BICC1: variants seen among roughly 807,000 people sequenced by gnomAD.
BICC1 encodes protein bicaudal C homolog 1.
BICC1 carries 43 observed loss-of-function variants against 111.0 expected under a neutral mutation model. The ratio of observed to expected loss-of-function variants is 0.39; its 90% CI spans 0.30 to 0.50. The LOEUF is 0.50. Ranked by LOEUF, BICC1 falls within the 20% of genes least tolerant of loss-of-function variation. The pLI, the probability that BICC1 is intolerant of heterozygous loss-of-function variation, is 0.88. For missense variants in BICC1, 1,091 were observed against 1,203.2 expected (o/e 0.91, Z 1.38); for synonymous variants, 467 against 434.4 (o/e 1.07, Z -0.93).
intron 2 of BICC1, among the ~76,000 whole-genome samples, chr10:58,623,776 G>A (rs749910711): frequency 1.3e-5 from 2 of 152,082 alleles, no homozygotes; most frequent in Admixed American, 6.6e-5. Flanking sequence ...AGAGAGGCAC[G>A]CCATGGTTGT....
intron 3 of BICC1, among the ~76,000 whole-genome samples, chr10:58,712,064 A>G (rs927020685): frequency 9.2e-5 from 14 of 152,344 alleles, no homozygotes; most frequent in African/African-American, 3.1e-4. Flanking sequence ...ACACCTCACC[A>G]AAGAAGATAT....
chr10:58,617,653 GTGATCACC>G (rs1203750514), intron 1 of BICC1, among the ~76,000 whole-genome samples: 1 of 152,246 alleles, frequency 6.6e-6, no homozygotes, highest in Non-Finnish European at 1.5e-5. Flanking sequence ...AGCATGAATG[GTGATCACC>G]AAGGTGGTGA....
intron 2 of BICC1, among the ~76,000 whole-genome samples, chr10:58,697,921 C>G (rs188785936): frequency 6.6e-6 from 1 of 152,198 alleles, no homozygotes; most frequent in African/African-American, 2.4e-5. Context: ...CTTCCTCCCC[C>G]ACCTCCCACC....
Position 58,599,019 on chromosome 10 carries a change from A to G in BICC1, c.191-21836A>G, listed in dbSNP as rs185580724. On this transcript the variant is annotated intron_variant, in intron 1 of 20. Coordinates refer to ENST00000373886, the MANE Select transcript of BICC1 (RefSeq NM_001080512.3). ...CAGGCAACAACAGATGCTGGAGAGGATGTGGAGAAATAACCCTTTTACACT... is the reference window on the plus strand; with the variant it reads ...CAGGCAACAACAGATGCTGGAGAGGGTGTGGAGAAATAACCCTTTTACACT... 6.6e-5 allele frequency among the ~76,000 whole-genome samples: 10 copies of G among 152,260 alleles called. No homozygotes were observed. In the East Asian group the frequency reaches 1.9e-3, roughly 29 times the overall value.
intron 2 of BICC1, among the ~76,000 whole-genome samples, chr10:58,630,985 T>A (rs568577716): frequency 6.6e-6 from 1 of 152,232 alleles, no homozygotes; most frequent in East Asian, 1.9e-4. Flanking sequence ...ATAAAGTATA[T>A]ATGTTTCTTT....
At chr10:58,826,217 C>A (rs569063601) in intron 20 of BICC1, among the ~76,000 whole-genome samples, 1 of 152,120 alleles carries the variant, frequency 6.6e-6, no homozygotes, top group South Asian at 2.1e-4. Context: ...GGTGAAGGAT[C>A]TAAAGTTGGA....
chr10:58,816,711 G>A (rs1307412795), intron 18 of BICC1, among the ~76,000 whole-genome samples: 2 of 150,744 alleles, frequency 1.3e-5, no homozygotes, highest in Non-Finnish European at 2.9e-5. Flanking sequence ...GGTCTGGGAG[G>A]TGGAATGCCT....
chr10:58,687,867 G>A (rs772291183), intron 2 of BICC1, among the ~76,000 whole-genome samples: 1 of 152,076 alleles, frequency 6.6e-6, no homozygotes, highest in Admixed American at 6.5e-5. Context: ...CCCACTGTCC[G>A]ACAAGCCCCA....
intron 2 of BICC1, among the ~76,000 whole-genome samples, chr10:58,641,986 A>G (rs750680676): frequency 3.3e-5 from 5 of 152,252 alleles, no homozygotes; most frequent in Non-Finnish European, 7.3e-5. Context: ...ACATTGAAAC[A>G]TAGTTACAAA....
chr10:58,794,548 A>G (rs1843290724), intron 9 of BICC1, among the ~76,000 whole-genome samples: 1 of 151,750 alleles, frequency 6.6e-6, no homozygotes, highest in African/African-American at 2.4e-5. Flanking sequence ...CCTCCCGAGT[A>G]GCTGGGACCA....
chr10:58,653,535 A>G (rs543034645), intron 2 of BICC1, among the ~76,000 whole-genome samples: 1 of 152,282 alleles, frequency 6.6e-6, no homozygotes, highest in Non-Finnish European at 1.5e-5. Context: ...GTGGTTCAGC[A>G]TTTCTTCAAA....
At chr10:58,763,673 T>A (rs542672051) in intron 3 of BICC1, among the ~76,000 whole-genome samples, 1 of 152,074 alleles carries the variant, frequency 6.6e-6, no homozygotes, top group Admixed American at 6.6e-5. Context: ...TGTTCTTTCT[T>A]AAACTGTGGA....
chr10:58,791,310 T>G (rs1039137355), intron 8 of BICC1, among the ~76,000 whole-genome samples: 2 of 152,252 alleles, frequency 1.3e-5, no homozygotes, highest in African/African-American at 4.8e-5. Flanking sequence ...AATGCACATT[T>G]ATACTTTGAC....
chr10:58,763,315 C>T (rs999926667), intron 3 of BICC1, among the ~76,000 whole-genome samples: 7 of 152,090 alleles, frequency 4.6e-5, no homozygotes, highest in Admixed American at 2.6e-4. Context: ...TAGCTGATAG[C>T]ATGGGTTAGT....
At chr10:58,708,271 T>TAA in intron 3 of BICC1, among the ~76,000 whole-genome samples, 1 of 152,060 alleles carries the variant, frequency 6.6e-6, no homozygotes, top group African/African-American at 2.4e-5. Flanking sequence ...GGATTACACG[T>TAA]GTGAGCCACC....
intron 3 of BICC1, 53 bp downstream of exon 3, chr10:58,702,196 A>T: frequency 7.0e-7 from 1 of 1,424,502 alleles, no homozygotes; most frequent in Admixed American, 1.7e-5. Flanking sequence ...AGATTATGGA[A>T]TTACTGCAGG....
chr10:58,540,099 A>C (rs1286688161), intron 1 of BICC1, among the ~76,000 whole-genome samples: 1 of 152,020 alleles, frequency 6.6e-6, no homozygotes, highest in Non-Finnish European at 1.5e-5. Context: ...ACAACATAGC[A>C]CAACACATAA....
intron 1 of BICC1, among the ~76,000 whole-genome samples, chr10:58,613,715 A>C (rs946899261): frequency 1.3e-5 from 2 of 152,176 alleles, no homozygotes; most frequent in Non-Finnish European, 2.9e-5. Flanking sequence ...AATTAAATTT[A>C]TAAGTTTAAT....
rs371523544 is a variant in BICC1 at position 58,643,893 on chromosome 10, T to G, written c.237+22992T>G. Among the ~76,000 whole-genome samples, 4 of 152,270 alleles carry G rather than the reference T, an allele frequency of 2.6e-5. No homozygotes were observed. The South Asian group carries it at 8.3e-4, about 32-fold the overall frequency. ...AATTACCTAATGAGACACTGCAGTGTGTGTCTGGCAGAATATGTCCTCAAC... is the reference window on the plus strand; with the variant it reads ...AATTACCTAATGAGACACTGCAGTGGGTGTCTGGCAGAATATGTCCTCAAC... On this transcript the variant is annotated intron_variant, in intron 2 of 20. Coordinates refer to ENST00000373886, the MANE Select transcript of BICC1 (RefSeq NM_001080512.3).
Sources: gnomAD v4.1 joint callset for allele counts (sites outside exome capture counted in the v4.1 genomes callset) on GRCh38, gnomAD v4.1.1 for gene constraint, MANE v1.5 for transcripts, NCBI Gene and HGNC (gene_info 2026-07-23, HGNC 2026-07-21) for gene names.